HNRNPAB: variants seen among roughly 807,000 people sequenced by gnomAD.
HNRNPAB encodes the protein heterogeneous nuclear ribonucleoprotein A/B, also known as ABBP-1.
Under a neutral mutation model 44.1 loss-of-function variants are expected in HNRNPAB, and 17 were observed. That is an observed-to-expected ratio of 0.39 (90% CI 0.26 to 0.58). The LOEUF (loss-of-function observed/expected upper bound fraction) is 0.58. Ranked by LOEUF, HNRNPAB falls within the 20% of genes least tolerant of loss-of-function variation. HNRNPAB has a pLI of 0.63. For missense variants in HNRNPAB, 393 were observed against 432.7 expected (o/e 0.91, Z 0.81); for synonymous variants, 183 against 167.6 (o/e 1.09, Z -0.71).
Position 178,206,720 on chromosome 5 carries a change from C to G in HNRNPAB, c.379-12C>G, listed in dbSNP as rs2113542687. On this transcript the variant is annotated splice_polypyrimidine_tract_variant and intron_variant, in intron 3 of 7. Coordinates refer to ENST00000358344, the MANE Select transcript of HNRNPAB (RefSeq NM_031266.3). ...GCTGCTGAGTCAGCCTGACCCCTTT[C>G]TGTTGGAACAGGTCCTAGACCAGAA... 6.2e-7 allele frequency: 1 copy of G among 1,612,854 alleles called. No individual in the cohort carries two copies. The highest frequency in any genetic ancestry group is 8.5e-7 in the Non-Finnish European group (1 of 1,179,714).
Position 178,204,927 on chromosome 5 carries a change from C to T in HNRNPAB, c.90C>T (p.Ala30=). 1 of 1,210,134 alleles carries T rather than the reference C, an allele frequency of 8.3e-7. No homozygotes were observed. The highest frequency in any genetic ancestry group is 1.0e-6 in the Non-Finnish European group (1 of 974,028). The allele number at this position is 1,210,134 out of a possible 1,614,324, so 75.0% of individuals were successfully genotyped here. The change falls in exon 2 of 8, where the codon GCC becomes GCT. Residue 30 remains alanine (A), a synonymous_variant. Transcript: ENST00000358344. ...HEAVPEGESP[A]GAGTGAAAGA... ...CCGTCCCCGAAGGCGAGTCGCCGGC[C>T]GGGGCTGGCACGGGCGCCGCGGCGG...
chr5:178,205,768 C>G (rs1354127182), intron 2 of HNRNPAB, 74 bp from the exon 3 acceptor site: 9 of 1,464,912 alleles, frequency 6.1e-6, no homozygotes, highest in Non-Finnish European at 8.4e-6. Context: ...GAGAACTTTG[C>G]CAGGGCCAGT....
chr5:178,207,127 T>C lies in HNRNPAB; in HGVS notation c.571T>C (p.Leu191=). ...EAIELPMDPK[L]NKRRGFVFIT... is the part of the protein sequence containing the mutation. Reference sequence around the variant, plus strand: ...CATTGAATTGCCAATGGATCCAAAGTTGAACAAAAGACGAGGTTTTGTGTT... The same window carrying C: ...CATTGAATTGCCAATGGATCCAAAGCTGAACAAAAGACGAGGTTTTGTGTT... The change falls in exon 5 of 8, where the codon TTG becomes CTG. Residue 191 remains leucine (L), a synonymous_variant. Transcript: ENST00000358344. The C allele has an allele frequency of 6.2e-7, 1 of 1,614,180 alleles. No homozygotes were observed. Among genetic ancestry groups the C allele is most frequent in the Non-Finnish European group, 8.5e-7 (1 of 1,180,020 alleles).
chr5:178,210,444 C>T (rs1581185401), intron 7 of HNRNPAB, 109 bp from the exon 8 acceptor site: 4 of 1,496,848 alleles, frequency 2.7e-6, no homozygotes, highest in African/African-American at 2.8e-5. Context: ...ATGAGGAAGG[C>T]AGTCTCTGCT....
intron 7 of HNRNPAB, 58 bp downstream of exon 7, chr5:178,210,330 A>G (rs1757837479): frequency 3.7e-6 from 6 of 1,610,744 alleles, no homozygotes; most frequent in African/African-American, 1.3e-5. Flanking sequence ...GGGAGGCAGG[A>G]CAGTGTAGGA....
rs748370096 is a variant in HNRNPAB at position 178,206,060 on chromosome 5, C to A, written c.378+50C>A. The A allele has an allele frequency of 2.6e-6, 4 of 1,516,024 alleles. No homozygotes were observed. The South Asian group carries it at 3.4e-5, about 13-fold the overall frequency. 93.9% of individuals were successfully genotyped at this position (1,516,024 alleles called of 1,614,324 possible). On this transcript the variant is annotated intron_variant, in intron 3 of 7. Transcript: ENST00000358344. ...AGTCTCAGTGGAAACGATTTGAATT[C>A]TAAGAGGACACCTTTCTTAAAGCAT...
At chr5:178,207,762 A>G (rs1052151195) in intron 5 of HNRNPAB, among the ~76,000 whole-genome samples, 1 of 144,918 alleles carries the variant, frequency 6.9e-6, no homozygotes, top group African/African-American at 2.6e-5. Flanking sequence ...GGGTGCGGTA[A>G]CACAATCATG....
At chr5:178,208,457 G>A (rs559869921) in intron 5 of HNRNPAB, 7 of 152,328 alleles carry the variant, frequency 4.6e-5, no homozygotes, top group Non-Finnish European at 8.8e-5. Context: ...GAGTTTAAGT[G>A]AAACTACTGG....
In HNRNPAB at chr5:178,205,875, T is replaced by G. The variant is rs372171620; in HGVS notation, c.243T>G (p.Thr81=). Residue 81 remains threonine (T), a synonymous_variant, in exon 3 of 8, where the codon ACT becomes ACG. Coordinates refer to ENST00000358344, the MANE Select transcript of HNRNPAB (RefSeq NM_031266.3). The part of the protein sequence containing the change: ...KMFVGGLSWD[T]SKKDLKDYFT... Reference sequence around the variant, plus strand: ...TCGTTGGTGGCCTGAGCTGGGATACTAGCAAAAAAGATTTAAAAGACTATT... The same window carrying G: ...TCGTTGGTGGCCTGAGCTGGGATACGAGCAAAAAAGATTTAAAAGACTATT... 1 of 1,614,060 alleles carries G rather than the reference T, an allele frequency of 6.2e-7. No homozygotes were observed. Among genetic ancestry groups the G allele is most frequent in the African/African-American group, 1.3e-5 (1 of 75,038 alleles).
chr5:178,210,140 C>G lies in HNRNPAB; in HGVS notation c.796C>G (p.Gln266Glu), dbSNP rs1561671021. 1.2e-6 allele frequency: 2 copies of G among 1,614,114 alleles called. No homozygotes were observed. Among genetic ancestry groups the G allele is most frequent in the Admixed American group, 1.7e-5 (1 of 60,002 alleles). The change falls in exon 7 of 8, where the codon CAG (glutamine) becomes GAG (glutamate). Residue 266 changes from glutamine (Q) to glutamate (E), a missense_variant. Around this residue, in one of 3 missense-constraint regions of HNRNPAB, gnomAD observed 210 missense variants for 196.9 expected, o/e 1.07. Transcript: ENST00000358344. Reference sequence around the variant, plus strand: ...CCCTGCTCCCCCCACAGGTCAGAGTCAGAGTTGGAATCAGGGCTACGGCAA... The same window carrying G: ...CCCTGCTCCCCCCACAGGTCAGAGTGAGAGTTGGAATCAGGGCTACGGCAA... ...GGGGGGGGQS[Q>E]SWNQGYGNYW...
At chr5:178,211,163 A>AATGTG (rs1758223598), downstream of HNRNPAB, 1 of 153,644 alleles carries the variant, frequency 6.5e-6, no homozygotes, top group East Asian at 2.0e-4. Context: ...AAAACCCCCA[A>AATGTG]GCCTGGGTGA....
At chr5:178,209,526 T>C in intron 6 of HNRNPAB, 79 bp downstream of exon 6, 1 of 1,264,058 alleles carries the variant, frequency 7.9e-7, no homozygotes, top group Non-Finnish European at 1.2e-6. Flanking sequence ...GGGCTCCCTC[T>C]GGTGCTGTGC....
intron 2 of HNRNPAB, 78 bp downstream of exon 2, chr5:178,205,124 AG>A: frequency 9.5e-7 from 1 of 1,055,004 alleles, no homozygotes. Flanking sequence ...CGGCGGGGGG[AG>A]GGGCGGCGGC....
Position 178,210,123 on chromosome 5 carries a change from C to A in HNRNPAB, c.788-9C>A. On this transcript the variant is annotated splice_polypyrimidine_tract_variant and intron_variant, in intron 6 of 7. Coordinates refer to ENST00000358344, the MANE Select transcript of HNRNPAB (RefSeq NM_031266.3). The stretch of plus-strand genomic sequence containing the variant: ...GTCCACGGGCCCCTGTGCCCTGCTC[C>A]CCCCACAGGTCAGAGTCAGAGTTGG... 3.1e-6 allele frequency: 5 copies of A among 1,613,896 alleles called. No homozygotes were observed. The highest frequency in any genetic ancestry group is 2.2e-5 in the East Asian group (1 of 44,878).
At position 178,211,041 on chromosome 5, in the gene HNRNPAB, G is replaced by GTACTT. The variant is rs1758173582; in HGVS notation, c.*420_*424dup. ...CTGTAACGGAAGTGTTAATTTTACT[G>GTACTT]TACTTTTTGGTACCTTTTGGGAATC... On this transcript the variant is annotated 3_prime_UTR_variant, in exon 8 of 8. Coordinates refer to ENST00000358344, the MANE Select transcript of HNRNPAB (RefSeq NM_031266.3). 5.2e-6 allele frequency: 1 copy of GTACTT among 192,882 alleles called. No individual in the cohort carries two copies. The highest frequency in any genetic ancestry group is 2.4e-5 in the African/African-American group (1 of 42,150). 11.9% of individuals were successfully genotyped at this position (192,882 alleles called of 1,614,324 possible).
At chr5:178,209,047 G>A (rs537587266) in intron 5 of HNRNPAB, 20 of 382,566 alleles carry the variant, frequency 5.2e-5, no homozygotes, top group Admixed American at 1.6e-4. Flanking sequence ...CCCCTGGGCT[G>A]CAGTTGGCCC....
At position 178,210,864 on chromosome 5, in the gene HNRNPAB, TC is replaced by T; in HGVS notation, c.*246del. The stretch of plus-strand genomic sequence containing the variant: ...TCATGGGCTGATTTTTATTACCAGG[TC>T]CCCCAGAAGCAGGTGGGAGGCTCTG... On this transcript the variant is annotated 3_prime_UTR_variant, in exon 8 of 8. Transcript: ENST00000358344. 3.6e-6 allele frequency: 2 copies of T among 552,602 alleles called. No individual in the cohort carries two copies. Among genetic ancestry groups the T allele is most frequent in the East Asian group, 6.2e-5 (2 of 32,054 alleles). The allele number at this position is 552,602 out of a possible 1,614,324, so 34.2% of individuals were successfully genotyped here.
At chr5:178,205,121 G>T (rs923155845) in intron 2 of HNRNPAB, 75 bp downstream of exon 2, 2 of 1,089,686 alleles carry the variant, frequency 1.8e-6, no homozygotes, top group East Asian at 3.8e-5. Flanking sequence ...ACGCGGCGGG[G>T]GGAGGGGCGG....
chr5:178,206,154 C>A, intron 3 of HNRNPAB, 144 bp downstream of exon 3: 2 of 745,344 alleles, frequency 2.7e-6, no homozygotes, highest in East Asian at 2.5e-5. Flanking sequence ...GGTTATGTTC[C>A]GGTTTTTGAG....
Sources: allele counts gnomAD v4.1 joint callset (sites outside exome capture counted in the v4.1 genomes callset), GRCh38; gene constraint gnomAD v4.1.1; regional missense constraint gnomAD v4.1.1; transcripts MANE v1.5; gene names NCBI Gene and HGNC (gene_info 2026-07-23, HGNC 2026-07-21).